Variants in KRT75 observed in about 807,000 individuals in gnomAD.
The protein encoded by KRT75 is keratin 75, also known as keratin, type II cytoskeletal 75.
In KRT75, 35 loss-of-function variants were observed where a neutral mutation model predicts 48.8. The observed-to-expected ratio is 0.72, with a 90% CI of 0.55 to 0.95. KRT75 has a LOEUF of 0.95. Ranked by LOEUF, KRT75 falls within the 40% of genes least tolerant of loss-of-function variation. KRT75 has a pLI of 0.00. For missense variants in KRT75, 776 were observed against 709.9 expected (o/e 1.09, Z -1.06); for synonymous variants, 301 against 282.3 (o/e 1.07, Z -0.66).
rs749411452 is a variant in KRT75 at position 52,426,897 on chromosome 12, C to T, written c.1383-46G>A. ...GAAGGAAGGTTACCAATGTGGCCAG[C>T]AGCTTAAGGGCCTTTGCAATGACAC... is the stretch of plus-strand genomic sequence containing the variant. On this transcript the variant is annotated intron_variant, in intron 7 of 8. Transcript: ENST00000252245. 57 of 1,553,162 alleles carry T rather than the reference C, an allele frequency of 3.7e-5. No individual in the cohort carries two copies. The South Asian group carries it at 6.1e-4, about 17-fold the overall frequency.
Position 52,424,593 on chromosome 12 carries a change from C to G in KRT75, c.1580G>C (p.Arg527Pro), listed in dbSNP as rs61730614. Reference protein sequence around the residue: ...GGSGFSATSNRGLGGSGSSVK... With the variant: ...GGSGFSATSNPGLGGSGSSVK... ...GCTAGAACCACTGCCCCCTAAGCCCCGGTTGCTGGTGGCACTGAATCCAGA... is the reference window on the plus strand; with the variant it reads ...GCTAGAACCACTGCCCCCTAAGCCCGGGTTGCTGGTGGCACTGAATCCAGA... Residue 527 changes from arginine to proline, a missense_variant, in exon 9 of 9, where the codon CGG becomes CCG. Transcript: ENST00000252245. 20 of 1,613,946 alleles carry G rather than the reference C, an allele frequency of 1.2e-5. No homozygotes were observed. The highest frequency in any genetic ancestry group is 1.4e-5 in the Non-Finnish European group (17 of 1,180,012).
intron 1 of KRT75, 106 bp from the exon 2 acceptor site, chr12:52,433,358 C>G: frequency 3.9e-6 from 4 of 1,021,562 alleles, no homozygotes; most frequent in Non-Finnish European, 6.0e-6. Context: ...CACTTGGCAC[C>G]CATTGACAAT....
At chr12:52,427,799 G>T (rs745464873) in intron 7 of KRT75, among the ~76,000 whole-genome samples, 8 of 152,162 alleles carry the variant, frequency 5.3e-5, no homozygotes, top group Non-Finnish European at 1.2e-4. Flanking sequence ...AGAGCACAAA[G>T]CTCCCATGAA....
intron 5 of KRT75, among the ~76,000 whole-genome samples, chr12:52,429,005 A>G (rs1940110255): frequency 6.6e-6 from 1 of 152,218 alleles, no homozygotes; most frequent in South Asian, 2.1e-4. Flanking sequence ...AATCTGACCT[A>G]GATTTGGAAG....
chr12:52,428,836 G>A (rs1940108558), intron 5 of KRT75, 93 bp from the exon 6 acceptor site: 2 of 1,500,348 alleles, frequency 1.3e-6, no homozygotes, highest in African/African-American at 1.4e-5. Context: ...CCACAAGCAG[G>A]CTCATTCATT....
chr12:52,429,365 A>T (rs1341245300), intron 5 of KRT75, among the ~76,000 whole-genome samples: 2 of 152,140 alleles, frequency 1.3e-5, no homozygotes, highest in East Asian at 1.9e-4. Context: ...AATTTTGAAG[A>T]CTTTGTAAAA....
Position 52,430,672 on chromosome 12 carries a change from T to A in KRT75, c.904A>T (p.Thr302Ser), listed in dbSNP as rs1429424850. ...TTGTCCATGGACAGCACCACGGATG[T>A]GTCACCGACCTGGGTCTGCAACTGG... ...LSQLQTQVGD[T>S]SVVLSMDNNR... The change falls in exon 5 of 9, where the codon ACA (threonine) becomes TCA (serine). Residue 302 changes from threonine (T) to serine (S), a missense_variant. Thr to Ser is a moderately conservative substitution (Grantham distance 58). Coordinates refer to ENST00000252245, the MANE Select transcript of KRT75 (RefSeq NM_004693.3). 6 of 1,614,176 alleles carry A rather than the reference T, an allele frequency of 3.7e-6. No homozygotes were observed. The highest frequency in any genetic ancestry group is 5.1e-6 in the Non-Finnish European group (6 of 1,180,026).
At position 52,433,892 on chromosome 12, in the gene KRT75, A is replaced by C; in HGVS notation, c.413T>G (p.Ile138Ser). The change falls in exon 1 of 9, where the codon ATC (isoleucine) becomes AGC (serine). Residue 138 changes from isoleucine to serine, a missense_variant. By Grantham distance (142) the Ile-to-Ser change is moderately radical. Coordinates refer to ENST00000252245, the MANE Select transcript of KRT75 (RefSeq NM_004693.3). ...QSLLTPLHLQIDPTIQRVRAE... is the reference protein window; with the variant it reads ...QSLLTPLHLQSDPTIQRVRAE... Reference sequence around the variant, plus strand: ...CCGCACCCGCTGGATGGTGGGGTCGATTTGCAGGTGAAGAGGAGTCAGGAG... The same window carrying C: ...CCGCACCCGCTGGATGGTGGGGTCGCTTTGCAGGTGAAGAGGAGTCAGGAG... 1 of 1,614,068 alleles carries C rather than the reference A, an allele frequency of 6.2e-7. No homozygotes were observed. Among genetic ancestry groups the C allele is most frequent in the East Asian group, 2.2e-5 (1 of 44,866 alleles).
intron 2 of KRT75, among the ~76,000 whole-genome samples, chr12:52,432,560 C>T (rs1242174005): frequency 2.0e-5 from 3 of 152,160 alleles, no homozygotes; most frequent in African/African-American, 7.2e-5. Context: ...AAATCCCTTT[C>T]CACTGGATAC....
chr12:52,425,445 G>A (rs762825643), intron 8 of KRT75, among the ~76,000 whole-genome samples: 21 of 152,206 alleles, frequency 1.4e-4, no homozygotes, highest in Non-Finnish European at 2.9e-4. Context: ...AAATGGGATC[G>A]TTGCAGGTAT....
intron 5 of KRT75, among the ~76,000 whole-genome samples, chr12:52,429,797 T>C (rs1314333605): frequency 6.6e-6 from 1 of 152,184 alleles, no homozygotes; most frequent in Non-Finnish European, 1.5e-5. Context: ...AGTTGGAACC[T>C]GCTCGTAGGT....
intron 2 of KRT75, 79 bp from the exon 3 acceptor site, chr12:52,432,145 G>T: frequency 1.4e-6 from 2 of 1,422,344 alleles, no homozygotes; most frequent in South Asian, 2.3e-5. Flanking sequence ...CAAGAGTTAA[G>T]AGCCCTCAAA....
chr12:52,433,579 G>T (rs1450864996), intron 1 of KRT75, among the ~76,000 whole-genome samples: 1 of 152,142 alleles, frequency 6.6e-6, no homozygotes, highest in African/African-American at 2.4e-5. Context: ...CTCTTCCCTT[G>T]GTGTTGACTG....
intron 2 of KRT75, 66 bp downstream of exon 2, chr12:52,432,972 C>T: frequency 6.6e-7 from 1 of 1,518,128 alleles, no homozygotes; most frequent in Non-Finnish European, 9.1e-7. Context: ...CTTTGCACCT[C>T]TCTGGTCCTC....
At chr12:52,432,616 C>A (rs923466832) in intron 2 of KRT75, among the ~76,000 whole-genome samples, 4 of 152,276 alleles carry the variant, frequency 2.6e-5, no homozygotes, top group South Asian at 4.1e-4. Flanking sequence ...AGTTTCCCCC[C>A]ACAAGAAAAG....
intron 5 of KRT75, among the ~76,000 whole-genome samples, chr12:52,430,127 TG>T (rs1344210028): frequency 1.3e-5 from 2 of 152,242 alleles, no homozygotes; most frequent in African/African-American, 2.4e-5. Flanking sequence ...ATTCACTTCA[TG>T]GCCTCCCAGA....
chr12:52,430,876 T>C (rs1385236980), intron 4 of KRT75, among the ~76,000 whole-genome samples, 171 bp from the exon 5 acceptor site: 1 of 152,240 alleles, frequency 6.6e-6, no homozygotes, highest in Non-Finnish European at 1.5e-5. Flanking sequence ...GGTGAAAATC[T>C]TTCCCAGCCT....
At chr12:52,425,015 C>T (rs982417328) in intron 8 of KRT75, among the ~76,000 whole-genome samples, 2 of 152,208 alleles carry the variant, frequency 1.3e-5, no homozygotes, top group African/African-American at 4.8e-5. Flanking sequence ...GGAAGCAGCT[C>T]CAGTCCACCT....
rs1295589804 is a variant in KRT75 at position 52,431,657 on chromosome 12, A to T, written c.775-19T>A. The stretch of plus-strand genomic sequence containing the variant: ...CTACGTCCTGGAATGACAGCGCAGG[A>T]TGCTCCTTTGAGTCTGCAGCCCCAA... On this transcript the variant is annotated intron_variant, in intron 3 of 8. Transcript: ENST00000252245. 6.4e-7 allele frequency: 1 copy of T among 1,572,294 alleles called. No homozygotes were observed. Among genetic ancestry groups the T allele is most frequent in the East Asian group, 2.2e-5 (1 of 44,698 alleles).
Sources: allele counts gnomAD v4.1 joint callset (sites outside exome capture counted in the v4.1 genomes callset), GRCh38; gene constraint gnomAD v4.1.1; transcripts MANE v1.5; gene names NCBI Gene and HGNC (gene_info 2026-07-23, HGNC 2026-07-21).